CARMIL1: variants seen among roughly 807,000 people sequenced by gnomAD.
The protein encoded by CARMIL1 is capping protein regulator and myosin 1 linker 1.
A neutral mutation model predicts 177.1 loss-of-function variants in CARMIL1; 90 were observed. That is an observed-to-expected ratio of 0.51 (90% CI 0.43 to 0.61). The LOEUF is 0.61. Ranked by LOEUF, CARMIL1 falls within the 20% of genes least tolerant of loss-of-function variation. CARMIL1 has a pLI of 0.00. For missense variants in CARMIL1, 1,380 were observed against 1,667.0 expected, an observed-to-expected ratio of 0.83 and a Z score of 3.00; for synonymous variants, 577 against 606.2, an observed-to-expected ratio of 0.95 and a Z score of 0.71.
chr6:25,567,525 G>A (rs1331906436), intron 29 of CARMIL1, among the ~76,000 whole-genome samples: 5 of 152,148 alleles, frequency 3.3e-5, no homozygotes, highest in Non-Finnish European at 5.9e-5. Context: ...AGCCCTTGTG[G>A]TTAATCAGGC....
chr6:25,308,729 T>TA (rs1260406579), intron 2 of CARMIL1, among the ~76,000 whole-genome samples: 2 of 152,070 alleles, frequency 1.3e-5, no homozygotes, highest in Admixed American at 1.3e-4. Flanking sequence ...TTTCTTACTT[T>TA]AAAAAATCCT....
At chr6:25,386,709 G>A (rs943314828) in intron 2 of CARMIL1, among the ~76,000 whole-genome samples, 2 of 152,112 alleles carry the variant, frequency 1.3e-5, no homozygotes, top group Admixed American at 6.6e-5. Context: ...AAAGACTAAG[G>A]TCCAGCACAT....
chr6:25,357,077 T>TG (rs1788696390), intron 2 of CARMIL1, among the ~76,000 whole-genome samples: 1 of 95,882 alleles, frequency 1.0e-5, no homozygotes. Flanking sequence ...AGTCATTGTG[T>TG]TTTTTTTTTT....
intron 4 of CARMIL1, among the ~76,000 whole-genome samples, chr6:25,432,400 C>A (rs1252046303): frequency 6.6e-6 from 1 of 152,142 alleles, no homozygotes; most frequent in East Asian, 1.9e-4. Context: ...TTACCTACTG[C>A]ATTGTGTTTA....
intron 11 of CARMIL1, among the ~76,000 whole-genome samples, chr6:25,480,659 A>G (rs1244765791): frequency 7.4e-6 from 1 of 134,840 alleles, no homozygotes; most frequent in African/African-American, 2.8e-5. Flanking sequence ...AATTATTTAT[A>G]TTTAATTTAA....
At chr6:25,309,700 T>G (rs1226383247) in intron 2 of CARMIL1, among the ~76,000 whole-genome samples, 2 of 152,026 alleles carry the variant, frequency 1.3e-5, no homozygotes, top group African/African-American at 4.8e-5. Context: ...TGTTGTAGCA[T>G]GGGTTAGAAC....
At chr6:25,404,770 A>AT (rs555386109) in intron 2 of CARMIL1, among the ~76,000 whole-genome samples, 1,431 of 125,300 alleles carry the variant, frequency 0.011, 18 homozygotes, top group Admixed American at 0.033. Flanking sequence ...AAAAAAAAAA[A>AT]AATAGAGGTG....
intron 8 of CARMIL1, among the ~76,000 whole-genome samples, chr6:25,451,567 A>G (rs1225529149): frequency 6.6e-6 from 1 of 152,194 alleles, no homozygotes; most frequent in East Asian, 1.9e-4. Context: ...ATTTAGGGCT[A>G]TGGCTTGTGA....
chr6:25,582,094 T>C (rs748013936), intron 31 of CARMIL1, among the ~76,000 whole-genome samples: 22 of 152,240 alleles, frequency 1.4e-4, no homozygotes, highest in Non-Finnish European at 2.5e-4. Flanking sequence ...CTCTACTGTC[T>C]CTCTTCTTCA....
At chr6:25,453,824 A>G (rs1335283474) in intron 8 of CARMIL1, among the ~76,000 whole-genome samples, 1 of 152,188 alleles carries the variant, frequency 6.6e-6, no homozygotes, top group African/African-American at 2.4e-5. Flanking sequence ...CTTGGAGAAC[A>G]TCTGGCCTAC....
At chr6:25,592,282 G>A (rs916743108) in intron 31 of CARMIL1, among the ~76,000 whole-genome samples, 3 of 152,178 alleles carry the variant, frequency 2.0e-5, no homozygotes, top group Non-Finnish European at 2.9e-5. Flanking sequence ...ATAATAACGT[G>A]TAAAACACAT....
chr6:25,567,145 G>C (rs1811628671), intron 29 of CARMIL1, among the ~76,000 whole-genome samples: 1 of 152,218 alleles, frequency 6.6e-6, no homozygotes, highest in Non-Finnish European at 1.5e-5. Flanking sequence ...CACATGATCT[G>C]ACTCTCAAAC....
At chr6:25,582,397 T>C (rs1435833046) in intron 31 of CARMIL1, among the ~76,000 whole-genome samples, 1 of 152,220 alleles carries the variant, frequency 6.6e-6, no homozygotes, top group Admixed American at 6.5e-5. Context: ...CTGGGTGATA[T>C]CATCTAACTC....
chr6:25,396,539 T>A (rs1793414594), intron 2 of CARMIL1, among the ~76,000 whole-genome samples: 1 of 151,908 alleles, frequency 6.6e-6, no homozygotes, highest in Non-Finnish European at 1.5e-5. Context: ...TTTTTGTATT[T>A]TTAGTAGAGA....
rs1175507737 is a variant in CARMIL1 at position 25,326,056 on chromosome 6, G to A, written c.138+41147G>A. On this transcript the variant is annotated intron_variant, in intron 2 of 36. Transcript: ENST00000329474. The surrounding 1 kb of genome is among the most constrained non-coding windows in gnomAD (Gnocchi z 4.2). ...GGCTAATTTTTTGTATTTTAGTAGAGACGGAGTTTCACCGTGTTGGCCAGG... is the reference window on the plus strand; with the variant it reads ...GGCTAATTTTTTGTATTTTAGTAGAAACGGAGTTTCACCGTGTTGGCCAGG... 6.6e-6 allele frequency among the ~76,000 whole-genome samples: 1 copy of A among 152,130 alleles called. No homozygotes were observed. Among genetic ancestry groups the A allele is most frequent in the Non-Finnish European group, 1.5e-5 (1 of 68,036 alleles).
intron 2 of CARMIL1, among the ~76,000 whole-genome samples, chr6:25,306,717 T>C (rs193182670): frequency 1.5e-3 from 224 of 152,318 alleles, no homozygotes; most frequent in Non-Finnish European, 2.3e-3. Flanking sequence ...ATTGTTTTTA[T>C]TTTTTGGCTA....
chr6:25,495,039 C>A, intron 15 of CARMIL1, 72 bp from the exon 16 acceptor site: 1 of 801,896 alleles, frequency 1.2e-6, no homozygotes, highest in Non-Finnish European at 2.1e-6. Context: ...GTAGATTTCA[C>A]AGTGTCTGAA....
At chr6:25,551,155 G>C in intron 27 of CARMIL1, 70 bp downstream of exon 27, 1 of 1,264,892 alleles carries the variant, frequency 7.9e-7, no homozygotes, top group Non-Finnish European at 1.1e-6. Flanking sequence ...GCTGTAAAGA[G>C]GGTTATTGTT....
chr6:25,497,073 A>G (rs1803802914), intron 16 of CARMIL1, among the ~76,000 whole-genome samples: 3 of 152,204 alleles, frequency 2.0e-5, no homozygotes, highest in Admixed American at 2.0e-4. Context: ...CTGTGTTTTA[A>G]TCAGCAAAAA....
Sources: gnomAD v4.1 joint callset for allele counts (sites outside exome capture counted in the v4.1 genomes callset) on GRCh38, gnomAD v4.1.1 for gene constraint, Gnocchi (gnomAD v3.1) non-coding constraint, MANE v1.5 for transcripts, NCBI Gene and HGNC (gene_info 2026-07-23, HGNC 2026-07-21) for gene names.